MEIS2: variants seen among roughly 807,000 people sequenced by gnomAD.
MEIS2 encodes Meis homeobox 2.
In MEIS2, 9 loss-of-function variants were observed where a neutral mutation model predicts 58.6. The ratio of observed to expected loss-of-function variants is 0.15; its 90% CI spans 0.09 to 0.27. MEIS2 has a LOEUF of 0.27. Ranked by LOEUF, MEIS2 falls within the 10% of genes least tolerant of loss-of-function variation. The pLI is 1.00. For synonymous variants in MEIS2, 221 were observed against 228.4 expected (o/e 0.97, Z 0.29); for missense variants, 427 against 635.0 (o/e 0.67, Z 3.52).
At chr15:36,971,498 C>T (rs1257351892) in intron 8 of MEIS2, among the ~76,000 whole-genome samples, 1 of 120,774 alleles carries the variant, frequency 8.3e-6, no homozygotes, top group African/African-American at 3.2e-5. Context: ...AGTTCTGGGG[C>T]CAAATTCAGC....
At chr15:37,049,472 TTTTTG>T (rs1199314390) in intron 7 of MEIS2, among the ~76,000 whole-genome samples, 4 of 99,368 alleles carry the variant, frequency 4.0e-5, no homozygotes, top group African/African-American at 1.1e-4. Context: ...GGTTTTGTTT[TTTTTG>T]TTTTTGTTTT....
At chr15:37,073,916 G>A in intron 7 of MEIS2, among the ~76,000 whole-genome samples, 1 of 152,010 alleles carries the variant, frequency 6.6e-6, no homozygotes, top group Non-Finnish European at 1.5e-5. Flanking sequence ...CATTGACTAA[G>A]ATAAGGTACT....
Position 36,890,830 on chromosome 15 carries a change from G to A in MEIS2, c.*1343C>T, listed in dbSNP as rs1157410671. On this transcript the variant is annotated 3_prime_UTR_variant, in exon 12 of 12. Transcript: ENST00000561208. ...TGGCTCATCATGTACACATAGTTTC[G>A]TACCTTTAGAAGTTTTCTGCTGGTG... 1.3e-5 allele frequency: 2 copies of A among 152,074 alleles called. No homozygotes were observed. The highest frequency in any genetic ancestry group is 2.1e-4 in the South Asian group (1 of 4,834). 9.4% of individuals were successfully genotyped at this position (152,074 alleles called of 1,614,324 possible).
At chr15:37,061,351 G>C (rs554140299) in intron 7 of MEIS2, among the ~76,000 whole-genome samples, 1 of 152,312 alleles carries the variant, frequency 6.6e-6, no homozygotes, top group African/African-American at 2.4e-5. Context: ...GAGGCCGGCA[G>C]AAGTGTTTAA....
chr15:37,098,964 C>T, intron 1 of MEIS2: 2 of 985,402 alleles, frequency 2.0e-6, no homozygotes, highest in Non-Finnish European at 2.4e-6. Flanking sequence ...AAACAAGCAG[C>T]CCAGGCTAGT....
intron 8 of MEIS2, among the ~76,000 whole-genome samples, chr15:36,976,850 G>A (rs891446174): frequency 1.3e-5 from 2 of 152,154 alleles, no homozygotes; most frequent in Non-Finnish European, 2.9e-5. Context: ...GGGGCCAGGC[G>A]CAGGGGCTCA....
At chr15:37,066,350 T>C (rs1396626907) in intron 7 of MEIS2, 1 of 152,220 alleles carries the variant, frequency 6.6e-6, no homozygotes, top group Non-Finnish European at 1.5e-5. Context: ...GGACAGTCAC[T>C]TGCCTTAATT....
At chr15:37,056,341 G>A (rs1159776919) in intron 7 of MEIS2, among the ~76,000 whole-genome samples, 2 of 151,982 alleles carry the variant, frequency 1.3e-5, no homozygotes, top group African/African-American at 2.4e-5. Context: ...GCCTCTGATG[G>A]GAAAATGCCA....
intron 8 of MEIS2, among the ~76,000 whole-genome samples, chr15:36,995,437 T>G (rs1056185958): frequency 6.6e-6 from 1 of 151,906 alleles, no homozygotes; most frequent in Non-Finnish European, 1.5e-5. Context: ...ACATCTCTTG[T>G]TTTTACTTAC....
intron 7 of MEIS2, among the ~76,000 whole-genome samples, chr15:37,063,397 T>C (rs1259923768): frequency 6.6e-6 from 1 of 152,248 alleles, no homozygotes; most frequent in Non-Finnish European, 1.5e-5. Flanking sequence ...GTTAAGTGTC[T>C]GGATTTAGGG....
At chr15:36,998,236 GTTTTTTTTTTTTT>G (rs5811954) in intron 8 of MEIS2, among the ~76,000 whole-genome samples, 2 of 66,754 alleles carry the variant, frequency 3.0e-5, no homozygotes, top group Non-Finnish European at 5.4e-5. Context: ...AAAACACAAA[GTTTTTTTTTTTTT>G]TTTTTTTTTT....
intron 1 of MEIS2, 195 bp downstream of exon 1, chr15:37,099,260 G>GCACA (rs1217901635): frequency 7.6e-6 from 11 of 1,447,980 alleles, no homozygotes; most frequent in African/African-American, 1.4e-5. Context: ...ACACACGCAC[G>GCACA]CACACACACT....
At chr15:37,012,320 T>C (rs1229909109) in intron 8 of MEIS2, among the ~76,000 whole-genome samples, 4 of 152,250 alleles carry the variant, frequency 2.6e-5, no homozygotes, top group African/African-American at 9.6e-5. Flanking sequence ...TCCTCAGTCC[T>C]TTCCCAGTGG....
chr15:36,949,535 G>A (rs1393164048), intron 9 of MEIS2, among the ~76,000 whole-genome samples: 1 of 152,006 alleles, frequency 6.6e-6, no homozygotes, highest in Non-Finnish European at 1.5e-5. Flanking sequence ...ATGTAATTAA[G>A]TTTGTATAAG....
chr15:36,917,245 A>G (rs575904818), intron 9 of MEIS2, among the ~76,000 whole-genome samples: 60 of 152,220 alleles, frequency 3.9e-4, no homozygotes, highest in Non-Finnish European at 7.2e-4. Context: ...AGCCTTGGAA[A>G]TTACTTCATC....
intron 8 of MEIS2, among the ~76,000 whole-genome samples, chr15:36,966,251 A>G (rs750843603): frequency 6.6e-6 from 1 of 152,160 alleles, no homozygotes; most frequent in Non-Finnish European, 1.5e-5. Flanking sequence ...ACAAGACACC[A>G]TTTTTAGGGG....
chr15:37,030,266 C>T (rs1434020154), intron 8 of MEIS2, among the ~76,000 whole-genome samples: 2 of 152,302 alleles, frequency 1.3e-5, no homozygotes, highest in African/African-American at 2.4e-5. Flanking sequence ...CTCTCTAATG[C>T]TATCACCTAG....
At chr15:37,057,222 G>A (rs979518342) in intron 7 of MEIS2, among the ~76,000 whole-genome samples, 2 of 152,160 alleles carry the variant, frequency 1.3e-5, no homozygotes, top group Non-Finnish European at 2.9e-5. Context: ...TTGATTAAGC[G>A]TAGACCCTGA....
At chr15:37,021,738 T>C (rs949446118) in intron 8 of MEIS2, among the ~76,000 whole-genome samples, 3 of 152,186 alleles carry the variant, frequency 2.0e-5, no homozygotes, top group Non-Finnish European at 2.9e-5. Context: ...TTCTGTATTA[T>C]CAATGCAATA....
Sources: gnomAD v4.1 joint callset for allele counts (sites outside exome capture counted in the v4.1 genomes callset) on GRCh38, gnomAD v4.1.1 for gene constraint, MANE v1.5 for transcripts, NCBI Gene and HGNC (gene_info 2026-07-23, HGNC 2026-07-21) for gene names.